OR2AJ1: variants seen among roughly 807,000 people sequenced by gnomAD.
OR2AJ1 encodes olfactory receptor 2AJ1.
For missense variants in OR2AJ1, 280 were observed against 163.2 expected, an observed-to-expected ratio of 1.72 and a Z score of -3.90; for synonymous variants, 105 against 60.3, an observed-to-expected ratio of 1.74 and a Z score of -3.44.
intron 1 of OR2AJ1, among the ~76,000 whole-genome samples, chr1:247,929,963 A>ATTATATC (rs1660134825): frequency 6.6e-6 from 1 of 152,158 alleles, no homozygotes; most frequent in South Asian, 2.1e-4. Context: ...TGTCTGCTCT[A>ATTATATC]GATAAAGTAA....
intron 1 of OR2AJ1, among the ~76,000 whole-genome samples, chr1:247,930,095 C>T (rs915427200): frequency 1.6e-4 from 25 of 152,156 alleles, no homozygotes; most frequent in African/African-American, 4.6e-4. Context: ...GTCACTAACT[C>T]ATTAAGTCTG....
intron 1 of OR2AJ1, among the ~76,000 whole-genome samples, chr1:247,932,393 A>T (rs1660163670): frequency 6.6e-6 from 1 of 152,142 alleles, no homozygotes; most frequent in African/African-American, 2.4e-5. Flanking sequence ...CTAATTACAC[A>T]TACATTTATA....
chr1:247,929,356 A>G (rs1250243514), intron 1 of OR2AJ1, among the ~76,000 whole-genome samples: 1 of 152,170 alleles, frequency 6.6e-6, no homozygotes, highest in African/African-American at 2.4e-5. Context: ...TTACATAGCT[A>G]CATTCTATCA....
intron 1 of OR2AJ1, among the ~76,000 whole-genome samples, chr1:247,930,454 A>G (rs1463126873): frequency 6.6e-6 from 1 of 152,172 alleles, no homozygotes; most frequent in Non-Finnish European, 1.5e-5. Context: ...TAGTGGGTCA[A>G]TGAGTGAAGA....
chr1:247,926,622 G>A (rs1660094141), intron 1 of OR2AJ1, among the ~76,000 whole-genome samples: 1 of 152,124 alleles, frequency 6.6e-6, no homozygotes, highest in Non-Finnish European at 1.5e-5. Flanking sequence ...CAGTCTCAAT[G>A]GTCTAGGGGT....
chr1:247,930,974 T>C (rs1384403689), intron 1 of OR2AJ1, among the ~76,000 whole-genome samples: 1 of 152,214 alleles, frequency 6.6e-6, no homozygotes, highest in Non-Finnish European at 1.5e-5. Context: ...TGAAGTATAA[T>C]GTACACTGGT....
At chr1:247,933,042 C>A (rs1330495516) in intron 1 of OR2AJ1, among the ~76,000 whole-genome samples, 5 of 152,096 alleles carry the variant, frequency 3.3e-5, no homozygotes, top group African/African-American at 1.2e-4. Context: ...AGTTTTGTGA[C>A]AATATTTCAT....
At chr1:247,931,309 C>G (rs563988519) in intron 1 of OR2AJ1, among the ~76,000 whole-genome samples, 1 of 152,284 alleles carries the variant, frequency 6.6e-6, no homozygotes. Flanking sequence ...GGATAGGTGA[C>G]ACGTATTTTC....
intron 1 of OR2AJ1, among the ~76,000 whole-genome samples, chr1:247,929,571 T>C (rs1409797886): frequency 6.7e-6 from 1 of 150,068 alleles, no homozygotes; most frequent in Non-Finnish European, 1.5e-5. Flanking sequence ...ATTGACTGTG[T>C]GCCAGGCTCT....
intron 1 of OR2AJ1, among the ~76,000 whole-genome samples, chr1:247,928,076 T>G (rs188926759): frequency 6.6e-6 from 1 of 152,308 alleles, no homozygotes; most frequent in East Asian, 1.9e-4. Context: ...TAGATCTATA[T>G]TTTTAGTTTC....
At chr1:247,927,496 G>GT (rs201384761) in intron 1 of OR2AJ1, among the ~76,000 whole-genome samples, 108,430 of 149,510 alleles carry the variant, frequency 0.73, 39,906 homozygotes, top group Middle Eastern at 0.8. Context: ...AACATTTAGG[G>GT]GGTGTGTGTG....
At chr1:247,933,394 G>T (rs1660174900) in intron 1 of OR2AJ1, among the ~76,000 whole-genome samples, 1 of 152,198 alleles carries the variant, frequency 6.6e-6, no homozygotes, top group Admixed American at 6.5e-5. Context: ...AGGAAATTAG[G>T]GTTTAAGTGG....
chr1:247,928,833 G>T (rs543509909), intron 1 of OR2AJ1, among the ~76,000 whole-genome samples: 1 of 152,122 alleles, frequency 6.6e-6, no homozygotes, highest in African/African-American at 2.4e-5. Flanking sequence ...GGTGCCTCAC[G>T]CCTGTAATCC....
rs1010381006 is a variant in OR2AJ1 at position 247,934,321 on chromosome 1, T to C, written c.553T>C (p.Leu185=). The C allele has an allele frequency of 1.4e-6, 1 of 738,630 alleles. No homozygotes were observed. The highest frequency in any genetic ancestry group is 2.5e-6 in the Non-Finnish European group (1 of 396,482). The allele number at this position is 738,630 out of a possible 1,614,324, so 45.8% of individuals were successfully genotyped here. ...DHFFCEVPAM[L]KLSCADTTRY... ...CTTCTTCTGTGAAGTCCCTGCCATG[T>C]TGAAGTTGTCCTGTGCAGACACAAC... Residue 185 remains leucine (L), a synonymous_variant, in exon 2 of 2, where the codon TTG becomes CTG. Transcript: ENST00000318244.
chr1:247,930,555 CAGAT>C (rs1162292756), intron 1 of OR2AJ1, among the ~76,000 whole-genome samples: 1 of 152,070 alleles, frequency 6.6e-6, no homozygotes, highest in African/African-American at 2.4e-5. Flanking sequence ...GCACAGTAAA[CAGAT>C]AGGAACAGTT....
chr1:247,931,255 A>G (rs1429122654), intron 1 of OR2AJ1, among the ~76,000 whole-genome samples: 1 of 152,196 alleles, frequency 6.6e-6, no homozygotes, highest in Non-Finnish European at 1.5e-5. Flanking sequence ...TGATAAATGA[A>G]CTTTACCTCG....
At chr1:247,931,181 G>T (rs1344785730) in intron 1 of OR2AJ1, among the ~76,000 whole-genome samples, 1 of 152,196 alleles carries the variant, frequency 6.6e-6, no homozygotes, top group Non-Finnish European at 1.5e-5. Flanking sequence ...AGACATGGAT[G>T]TAGAGTGTAT....
intron 1 of OR2AJ1, among the ~76,000 whole-genome samples, chr1:247,930,665 G>T (rs1310220771): frequency 1.3e-5 from 2 of 152,116 alleles, no homozygotes; most frequent in Admixed American, 1.3e-4. Context: ...GGAATAGTTG[G>T]CTAAATAATT....
chr1:247,926,984 A>G (rs1237663233), intron 1 of OR2AJ1, among the ~76,000 whole-genome samples: 3 of 152,138 alleles, frequency 2.0e-5, no homozygotes, highest in Non-Finnish European at 4.4e-5. Flanking sequence ...CACACCCCAT[A>G]TGCAGTTGAT....
Sources: allele counts gnomAD v4.1 joint callset (sites outside exome capture counted in the v4.1 genomes callset), GRCh38; gene constraint gnomAD v4.1.1; transcripts MANE v1.5; gene names NCBI Gene and HGNC (gene_info 2026-07-23, HGNC 2026-07-21).